Variants in GCNT4 observed in about 807,000 individuals in gnomAD.
GCNT4 encodes the protein glucosaminyl (N-acetyl) transferase 4.
A neutral mutation model predicts 31.3 loss-of-function variants in GCNT4; 17 were observed. The observed-to-expected ratio is 0.54, with a 90% confidence interval of 0.37 to 0.81. GCNT4 has a LOEUF of 0.81. Among genes scored for constraint, GCNT4 ranks in the 40% least tolerant of loss-of-function variants. The probability of loss-of-function intolerance (pLI) is 0.00; values close to 1 mark genes in which losing one functional copy is unlikely to be tolerated. For missense variants in GCNT4, 503 were observed against 525.5 expected, an observed-to-expected ratio of 0.96 and a Z score of 0.42; for synonymous variants, 158 against 190.6, an observed-to-expected ratio of 0.83 and a Z score of 1.41.
chr5:75,050,399 G>A (rs914269948), intron 2 of GCNT4, among the ~76,000 whole-genome samples: 1 of 152,134 alleles, frequency 6.6e-6, no homozygotes, highest in Non-Finnish European at 1.5e-5. Flanking sequence ...ATTCACATAT[G>A]TCTAAGGCTC....
At position 75,044,348 on chromosome 5, in the gene GCNT4, T is replaced by C. The variant is rs183409871; in HGVS notation, c.-2+3549A>G. 3.3e-5 allele frequency among the ~76,000 whole-genome samples: 5 copies of C among 151,968 alleles called. No homozygotes were observed. The East Asian group carries it at 7.7e-4, about 23-fold the overall frequency. ...GCCCCACACTGGACCCCCTCCATGT[T>C]ACCTTCCTGCTTTACTTCTGTGTAC... is the stretch of plus-strand genomic sequence containing the variant. On this transcript the variant is annotated intron_variant, in intron 3 of 3. Transcript: ENST00000652361.
chr5:75,033,850 C>T (rs1255071211), intron 3 of GCNT4, among the ~76,000 whole-genome samples: 5 of 151,918 alleles, frequency 3.3e-5, no homozygotes, highest in African/African-American at 1.2e-4. Flanking sequence ...CCTCACCCCC[C>T]GATAGGCCCC....
chr5:75,029,735 A>T lies in GCNT4; in HGVS notation c.303T>A (p.Asp101Glu). Residue 101 changes from aspartate to glutamate, a missense_variant, in exon 4 of 4, where the codon GAT becomes GAA. Transcript: ENST00000652361. ...RRRDIIDLED[D>E]DVVAMTSDCD... ...AATCACTGGTCATTGCCACAACATC[A>T]TCATCCTCCAAGTCAATGATGTCCC... 2 of 1,614,152 alleles carry T rather than the reference A, an allele frequency of 1.2e-6. No homozygotes were observed. Among genetic ancestry groups the T allele is most frequent in the Non-Finnish European group, 1.7e-6 (2 of 1,180,020 alleles).
At chr5:75,050,030 T>C (rs1355107568) in intron 2 of GCNT4, among the ~76,000 whole-genome samples, 1 of 152,178 alleles carries the variant, frequency 6.6e-6, no homozygotes, top group African/African-American at 2.4e-5. Context: ...CCCTTAGGTG[T>C]GGTGCCGTTT....
chr5:75,028,612 G>T lies in GCNT4; in HGVS notation c.*64C>A. The T allele has an allele frequency of 7.1e-7, 1 of 1,411,750 alleles. No homozygotes were observed. The highest frequency in any genetic ancestry group is 9.7e-7 in the Non-Finnish European group (1 of 1,028,822). 87.5% of individuals were successfully genotyped at this position (1,411,750 alleles called of 1,614,324 possible). On this transcript the variant is annotated 3_prime_UTR_variant, in exon 4 of 4. Coordinates refer to ENST00000652361, the MANE Select transcript of GCNT4 (RefSeq NM_001366737.1). ...GTTTAAACAGTATTGGGCATAGTAT[G>T]GTATTCAATTCCACACTGACTCCAT...
intron 3 of GCNT4, among the ~76,000 whole-genome samples, chr5:75,042,590 T>C (rs112478503): frequency 1.1e-4 from 17 of 152,338 alleles, no homozygotes; most frequent in African/African-American, 3.8e-4. Context: ...AGGGTATTGA[T>C]GTCAGAAATG....
At position 75,029,044 on chromosome 5, in the gene GCNT4, A is replaced by C; in HGVS notation, c.994T>G (p.Tyr332Asp). ...QDFFAWSKDT[Y>D]SPDEHFWATL... ...GCCCAAAAGTGCTCATCAGGAGAGTATGTGTCTTTAGACCAGGCAAAAAAG... is the reference window on the plus strand; with the variant it reads ...GCCCAAAAGTGCTCATCAGGAGAGTCTGTGTCTTTAGACCAGGCAAAAAAG... The change falls in exon 4 of 4, where the codon TAC becomes GAC. Residue 332 changes from tyrosine (Y) to aspartate (D), a missense_variant. Coordinates refer to ENST00000652361, the MANE Select transcript of GCNT4 (RefSeq NM_001366737.1). 6.2e-7 allele frequency: 1 copy of C among 1,614,176 alleles called. No individual in the cohort carries two copies. The highest frequency in any genetic ancestry group is 8.5e-7 in the Non-Finnish European group (1 of 1,180,018).
chr5:75,042,564 A>G (rs894737848), intron 3 of GCNT4, among the ~76,000 whole-genome samples: 1 of 152,250 alleles, frequency 6.6e-6, no homozygotes, highest in African/African-American at 2.4e-5. Flanking sequence ...GCACAGGGAT[A>G]AACAGACATG....
At chr5:75,023,459 A>G (rs1742904282), downstream of GCNT4, among the ~76,000 whole-genome samples, 1 of 152,194 alleles carries the variant, frequency 6.6e-6, no homozygotes, top group East Asian at 1.9e-4. Flanking sequence ...AATGCATCAT[A>G]AGGAAGTAAT....
At chr5:75,032,566 TC>T (rs1354365256) in intron 3 of GCNT4, among the ~76,000 whole-genome samples, 1 of 152,132 alleles carries the variant, frequency 6.6e-6, no homozygotes, top group African/African-American at 2.4e-5. Context: ...TTCTTCTCCA[TC>T]CCCGCTGCCA....
rs1743594796 is a variant in GCNT4, at chr5:75,052,429, C to T, written c.-202G>A. 1 of 152,190 alleles carries T rather than the reference C, an allele frequency of 6.6e-6. No individual in the cohort carries two copies. Among genetic ancestry groups the T allele is most frequent in the Non-Finnish European group, 1.5e-5 (1 of 68,054 alleles). The allele number at this position is 152,190 out of a possible 1,614,324, so 9.4% of individuals were successfully genotyped here. ...CAAAACACCCACTCGCCCCGTTTAC[C>T]TAGCACCGTTTCCTACGTGAAGACT... On this transcript the variant is annotated splice_region_variant and 5_prime_UTR_variant, in exon 1 of 4. Coordinates refer to ENST00000652361, the MANE Select transcript of GCNT4 (RefSeq NM_001366737.1).
chr5:75,018,683 A>T, the GCNT4 span, among the ~76,000 whole-genome samples: 1 of 152,316 alleles, frequency 6.6e-6, no homozygotes, highest in African/African-American at 2.4e-5. Context: ...GTACTGGTTT[A>T]ATTAGTCTGG....
intron 3 of GCNT4, among the ~76,000 whole-genome samples, chr5:75,038,650 G>A (rs1367061656): frequency 6.6e-6 from 1 of 152,226 alleles, no homozygotes; most frequent in Non-Finnish European, 1.5e-5. Flanking sequence ...GGGCAGACGG[G>A]CAAAGGGGGG....
intron 3 of GCNT4, among the ~76,000 whole-genome samples, chr5:75,036,848 A>G (rs1743211392): frequency 6.6e-6 from 1 of 152,202 alleles, no homozygotes; most frequent in Admixed American, 6.5e-5. Flanking sequence ...CCTGTCACCA[A>G]TGACTATCGA....
intron 2 of GCNT4, among the ~76,000 whole-genome samples, chr5:75,049,024 GT>G (rs2149978352): frequency 6.6e-6 from 1 of 152,306 alleles, no homozygotes; most frequent in South Asian, 2.1e-4. Flanking sequence ...ATTGTAGTTT[GT>G]TTTTGTAATA....
chr5:75,024,561 A>C (rs1004367338), downstream of GCNT4, among the ~76,000 whole-genome samples: 2 of 152,168 alleles, frequency 1.3e-5, no homozygotes, highest in African/African-American at 4.8e-5. Flanking sequence ...TCAGCTCAGT[A>C]GAGCTGGGAG....
downstream of GCNT4, among the ~76,000 whole-genome samples, chr5:75,020,600 C>T (rs150252739): frequency 5.4e-4 from 82 of 152,164 alleles, no homozygotes; most frequent in Admixed American, 1.3e-3. Flanking sequence ...TTCAGCTATT[C>T]GCCCATCCAC....
chr5:75,051,554 C>T (rs1743568900), intron 2 of GCNT4, among the ~76,000 whole-genome samples: 1 of 152,212 alleles, frequency 6.6e-6, no homozygotes, highest in African/African-American at 2.4e-5. Context: ...GCAGAAACAG[C>T]ACCGTCAGGT....
At chr5:75,041,528 A>G (rs945595521) in intron 3 of GCNT4, among the ~76,000 whole-genome samples, 2 of 152,246 alleles carry the variant, frequency 1.3e-5, no homozygotes, top group Non-Finnish European at 2.9e-5. Context: ...TCTATAGATT[A>G]TAATTCTTCT....
Sources: gnomAD v4.1 joint callset for allele counts (sites outside exome capture counted in the v4.1 genomes callset) on GRCh38, gnomAD v4.1.1 for gene constraint, MANE v1.5 for transcripts, NCBI Gene and HGNC (gene_info 2026-07-23, HGNC 2026-07-21) for gene names.